BBX: variants seen among roughly 807,000 people sequenced by gnomAD.
BBX encodes BBX high mobility group box domain containing.
BBX carries 30 observed loss-of-function variants against 100.2 expected under a neutral mutation model. The observed-to-expected ratio is 0.30, with a 90% CI of 0.22 to 0.41. The LOEUF is 0.41. Ranked by LOEUF, BBX falls within the 10% of genes least tolerant of loss-of-function variation. BBX has a pLI of 1.00. For missense variants in BBX, 1,023 were observed against 1,129.8 expected, an observed-to-expected ratio of 0.91 and a Z score of 1.35; for synonymous variants, 376 against 388.1, an observed-to-expected ratio of 0.97 and a Z score of 0.37.
At chr3:107,619,985 C>G (rs929267072) in intron 2 of BBX, among the ~76,000 whole-genome samples, 1 of 152,104 alleles carries the variant, frequency 6.6e-6, no homozygotes, top group Non-Finnish European at 1.5e-5. Flanking sequence ...CAGCCCTGCT[C>G]TCTTTCTTCT....
rs2071252928 is a variant in BBX, at chr3:107,810,728, C to CTTT, written c.*5271_*5272insTTT. On this transcript the variant is annotated 3_prime_UTR_variant, in exon 18 of 18. Coordinates refer to ENST00000325805, the MANE Select transcript of BBX (RefSeq NM_001142568.3). The stretch of plus-strand genomic sequence containing the variant: ...TTTTCTCCATTTCATTAGCACTAAA[C>CTTT]AAGTCTCTTGCTCTCAGGAATTTGT... The CTTT allele has an allele frequency of 6.6e-6, 1 of 152,202 alleles. No individual in the cohort carries two copies. The highest frequency in any genetic ancestry group is 2.4e-5 in the African/African-American group (1 of 41,448). The allele number at this position is 152,202 out of a possible 1,614,324, so 9.4% of individuals were successfully genotyped here.
At chr3:107,542,365 A>C (rs1196913385) in intron 2 of BBX, among the ~76,000 whole-genome samples, 1 of 152,202 alleles carries the variant, frequency 6.6e-6, no homozygotes, top group East Asian at 1.9e-4. Context: ...TTTGTATTTG[A>C]GTATACTAAC....
At chr3:107,529,417 C>T (rs1187246167) in intron 2 of BBX, among the ~76,000 whole-genome samples, 1 of 152,202 alleles carries the variant, frequency 6.6e-6, no homozygotes, top group South Asian at 2.1e-4. Flanking sequence ...CTCAACTTTA[C>T]TAAGGACATT....
chr3:107,748,121 A>G (rs941405844), intron 9 of BBX, 82 bp downstream of exon 9: 1 of 1,172,228 alleles, frequency 8.5e-7, no homozygotes, highest in Admixed American at 2.0e-5. Context: ...AATAATGTAT[A>G]GTGAACTTTA....
At chr3:107,675,736 A>G (rs1476876615) in intron 3 of BBX, among the ~76,000 whole-genome samples, 1 of 152,220 alleles carries the variant, frequency 6.6e-6, no homozygotes, top group South Asian at 2.1e-4. Context: ...TTTGTGGTCA[A>G]GAGACCCAGA....
chr3:107,729,983 A>T (rs995073780), intron 6 of BBX, among the ~76,000 whole-genome samples: 1 of 151,990 alleles, frequency 6.6e-6, no homozygotes, highest in African/African-American at 2.4e-5. Context: ...GCTACTTGGG[A>T]GGCTGAGATG....
In BBX at chr3:107,536,870, ATAAAT is replaced by A. The variant is rs376866067; in HGVS notation, c.-84+10476_-84+10480del. ...GCTAGTCAATGTAAATATCTATCAT[ATAAAT>A]TAATCTGTGCTAATTGTTTTAATAG... On this transcript the variant is annotated intron_variant, in intron 2 of 17. Coordinates refer to ENST00000325805, the MANE Select transcript of BBX (RefSeq NM_001142568.3). Among the ~76,000 whole-genome samples the A allele has an allele frequency of 2.1e-3, 321 of 152,306 alleles. 1 individual carries two copies. The highest frequency in any genetic ancestry group is 7.4e-3 in the African/African-American group (308 of 41,586).
At chr3:107,552,046 A>C (rs1188474082) in intron 2 of BBX, among the ~76,000 whole-genome samples, 3 of 152,100 alleles carry the variant, frequency 2.0e-5, no homozygotes. Flanking sequence ...ACAGCGTTAA[A>C]GGATTGCTCC....
intron 13 of BBX, among the ~76,000 whole-genome samples, chr3:107,781,424 A>C (rs1442756775): frequency 2.0e-5 from 3 of 152,120 alleles, no homozygotes; most frequent in Non-Finnish European, 2.9e-5. Flanking sequence ...CTAAAAATGA[A>C]TTATCCAGTA....
In BBX at chr3:107,590,448, C is replaced by G. The variant is rs146331201; in HGVS notation, c.-83-55388C>G. Among the ~76,000 whole-genome samples, 1,272 of 152,018 alleles carry G rather than the reference C, an allele frequency of 8.4e-3. 22 individuals carry two copies. Among genetic ancestry groups the G allele is most frequent in the African/African-American group, 0.029 (1,211 of 41,462 alleles). On this transcript the variant is annotated intron_variant, in intron 2 of 17. Transcript: ENST00000325805. ...GTAAACTGTTGATAAGTATAGTCAC[C>G]CTATTGTGCTTTCGAACCCTAGAAA...
At chr3:107,723,087 T>C (rs1437579349) in intron 5 of BBX, among the ~76,000 whole-genome samples, 1 of 152,060 alleles carries the variant, frequency 6.6e-6, no homozygotes, top group Non-Finnish European at 1.5e-5. Flanking sequence ...TTTTTCACAA[T>C]TTTGGTAGAT....
chr3:107,526,048 C>T (rs2047748109), intron 1 of BBX, among the ~76,000 whole-genome samples: 1 of 152,146 alleles, frequency 6.6e-6, no homozygotes. Flanking sequence ...CAACTTTCTG[C>T]TTTGTACATG....
rs141727046 is a variant in BBX, at chr3:107,585,155, A to G, written c.-84+58757A>G. ...GTCAGTAATCCACGTGGAGGAAACA[A>G]TAAGGTGAGGAGGTAACCCACCACT... On this transcript the variant is annotated intron_variant, in intron 2 of 17. Transcript: ENST00000325805. 1.1e-4 allele frequency among the ~76,000 whole-genome samples: 17 copies of G among 152,252 alleles called. No homozygotes were observed. In the East Asian group the frequency reaches 3.3e-3, roughly 29 times the overall value.
chr3:107,646,146 C>T (rs192168764), intron 3 of BBX: 1 of 152,148 alleles, frequency 6.6e-6, no homozygotes, highest in Non-Finnish European at 1.5e-5. Flanking sequence ...TTCAAAATCT[C>T]TGATTCGTTT....
intron 17 of BBX, among the ~76,000 whole-genome samples, chr3:107,801,490 A>G (rs1220551072): frequency 1.3e-5 from 2 of 152,216 alleles, no homozygotes; most frequent in African/African-American, 2.4e-5. Flanking sequence ...TATTTTGAAT[A>G]TGTTATCCTG....
intron 2 of BBX, among the ~76,000 whole-genome samples, chr3:107,556,231 T>A (rs1179080826): frequency 6.6e-6 from 1 of 152,234 alleles, no homozygotes; most frequent in East Asian, 1.9e-4. Flanking sequence ...AAATTACTGG[T>A]TAATAGACTC....
At chr3:107,638,626 C>G (rs1409956528) in intron 2 of BBX, 3 of 151,654 alleles carry the variant, frequency 2.0e-5, no homozygotes, top group African/African-American at 7.3e-5. Context: ...GTTTTTTTAA[C>G]AAGTAACATA....
chr3:107,528,662 T>C (rs2047942226), intron 2 of BBX, among the ~76,000 whole-genome samples: 1 of 152,188 alleles, frequency 6.6e-6, no homozygotes, highest in African/African-American at 2.4e-5. Context: ...TTAGAACATA[T>C]CTTTGAATGA....
chr3:107,678,014 C>G (rs1408651836), intron 3 of BBX, among the ~76,000 whole-genome samples: 1 of 152,034 alleles, frequency 6.6e-6, no homozygotes, highest in Non-Finnish European at 1.5e-5. Context: ...ATGTCGTAAA[C>G]AATTTAGCAT....
Sources: allele counts gnomAD v4.1 joint callset (sites outside exome capture counted in the v4.1 genomes callset), GRCh38; gene constraint gnomAD v4.1.1; transcripts MANE v1.5; gene names NCBI Gene and HGNC (gene_info 2026-07-23, HGNC 2026-07-21).